DAPK1: variants seen among roughly 807,000 people sequenced by gnomAD.
DAPK1 encodes the protein death associated protein kinase 1.
A neutral mutation model predicts 144.9 loss-of-function variants in DAPK1; 56 were observed. That is an observed-to-expected ratio of 0.39 (90% CI 0.31 to 0.48). The LOEUF (loss-of-function observed/expected upper bound fraction) is 0.48, where lower values mean the gene tolerates loss of function less well. DAPK1 is among the 20% of genes least tolerant of loss of function. The probability of loss-of-function intolerance (pLI) is 0.95; values close to 1 mark genes in which losing one functional copy is unlikely to be tolerated. For synonymous variants in DAPK1, 690 were observed against 749.0 expected (o/e 0.92, Z 1.29); for missense variants, 1,454 against 1,875.4 (o/e 0.78, Z 4.15).
At chr9:87,532,853 A>G (rs573387676) in intron 2 of DAPK1, among the ~76,000 whole-genome samples, 9 of 152,346 alleles carry the variant, frequency 5.9e-5, no homozygotes, top group African/African-American at 1.9e-4. Context: ...GTCTGTAATT[A>G]CTAACATTTT....
chr9:87,528,174 C>A (rs17477827), intron 2 of DAPK1, among the ~76,000 whole-genome samples: 18,511 of 152,000 alleles, frequency 0.12, 1,408 homozygotes, highest in Admixed American at 0.16. Context: ...GATGTCTTAT[C>A]CATTTGGAAG....
intron 24 of DAPK1, among the ~76,000 whole-genome samples, chr9:87,700,603 A>G (rs1277021721): frequency 1.3e-5 from 2 of 152,078 alleles, no homozygotes; most frequent in Non-Finnish European, 2.9e-5. Flanking sequence ...GGCTCAAGCA[A>G]TCTGTCCATC....
At chr9:87,624,196 T>A (rs1383380816) in intron 3 of DAPK1, among the ~76,000 whole-genome samples, 1 of 152,180 alleles carries the variant, frequency 6.6e-6, no homozygotes, top group East Asian at 1.9e-4. Flanking sequence ...GAGGATTCCC[T>A]ACTTAGATGG....
chr9:87,602,930 C>G (rs1351532822), intron 2 of DAPK1, among the ~76,000 whole-genome samples: 1 of 151,548 alleles, frequency 6.6e-6, no homozygotes, highest in Admixed American at 6.6e-5. Flanking sequence ...GTTTCTCTCT[C>G]TCTCTCTCTC....
intron 3 of DAPK1, among the ~76,000 whole-genome samples, chr9:87,612,362 A>C (rs888628321): frequency 5.3e-5 from 8 of 152,212 alleles, no homozygotes; most frequent in African/African-American, 1.9e-4. Context: ...TGGTGTCCTT[A>C]TAAGAAGGCC....
At chr9:87,605,282 T>C in intron 3 of DAPK1, 107 bp downstream of exon 3, 1 of 896,132 alleles carries the variant, frequency 1.1e-6, no homozygotes, top group East Asian at 2.5e-5. Flanking sequence ...GGATCAGGAA[T>C]TGGTTCTGCT....
At chr9:87,654,699 T>C (rs1830573610) in intron 17 of DAPK1, among the ~76,000 whole-genome samples, 1 of 152,160 alleles carries the variant, frequency 6.6e-6, no homozygotes, top group African/African-American at 2.4e-5. Context: ...AAAAGCAGCT[T>C]CAAGGGACAT....
At chr9:87,639,045 T>G (rs1024698921) in intron 4 of DAPK1, among the ~76,000 whole-genome samples, 1 of 152,122 alleles carries the variant, frequency 6.6e-6, no homozygotes, top group African/African-American at 2.4e-5. Flanking sequence ...CCTCTCCCAT[T>G]CCCCCAGTTA....
Position 87,669,526 on chromosome 9 carries a change from A to T in DAPK1, c.2001+852A>T, listed in dbSNP as rs539422554. ...AAAATTTAATTACTGTATTTTTTTT[A>T]AAATGTTATAACAATGGTAATCATT... On this transcript the variant is annotated intron_variant, in intron 19 of 25. Transcript: ENST00000408954. Among the ~76,000 whole-genome samples the T allele has an allele frequency of 3.6e-4, 52 of 146,376 alleles. 1 individual carries two copies. In the South Asian group the frequency reaches 4.4e-3, roughly 12 times the overall value.
intron 2 of DAPK1, among the ~76,000 whole-genome samples, chr9:87,509,395 C>G (rs925231131): frequency 2.3e-4 from 35 of 152,058 alleles, no homozygotes; most frequent in Non-Finnish European, 3.8e-4. Flanking sequence ...GAGTTTTCCT[C>G]TTGTTGCTCA....
intron 17 of DAPK1, among the ~76,000 whole-genome samples, chr9:87,653,155 T>TC (rs1306380600): frequency 8.2e-6 from 1 of 122,470 alleles, no homozygotes; most frequent in African/African-American, 3.0e-5. Flanking sequence ...TCTGTGTCCA[T>TC]CCCCCCGATC....
chr9:87,553,002 G>A (rs747101815), intron 2 of DAPK1, among the ~76,000 whole-genome samples: 2 of 152,016 alleles, frequency 1.3e-5, no homozygotes, highest in Admixed American at 6.6e-5. Flanking sequence ...GAACTTTTTC[G>A]TCATCCCAAG....
chr9:87,521,698 A>G (rs1351650382), intron 2 of DAPK1, among the ~76,000 whole-genome samples: 1 of 152,198 alleles, frequency 6.6e-6, no homozygotes, highest in African/African-American at 2.4e-5. Flanking sequence ...TTTATTCCCC[A>G]TCATTTAGGA....
At chr9:87,674,740 G>A (rs989976530) in intron 19 of DAPK1, among the ~76,000 whole-genome samples, 5 of 152,148 alleles carry the variant, frequency 3.3e-5, no homozygotes, top group Non-Finnish European at 5.9e-5. Context: ...TCGCCTCTCA[G>A]TGCTCTTATC....
intron 17 of DAPK1, among the ~76,000 whole-genome samples, chr9:87,652,360 C>A (rs1366104119): frequency 3.3e-5 from 3 of 90,888 alleles, no homozygotes; most frequent in Admixed American, 1.0e-4. Flanking sequence ...GATTCTGTGT[C>A]CTCCCACCTG....
rs778438856 is a variant in DAPK1 at position 87,639,433 on chromosome 9, T to G, written c.503T>G (p.Ile168Ser). The change falls in exon 5 of 26, where the codon ATT becomes AGT. Residue 168 changes from isoleucine to serine, a missense_variant. Around this residue, in one of 2 missense-constraint regions of DAPK1, gnomAD observed 429 missense variants for 637.5 expected, o/e 0.67. Coordinates refer to ENST00000408954, the MANE Select transcript of DAPK1 (RefSeq NM_004938.4). ...KIIDFGLAHK[I>S]DFGNEFKNIF... ...ATTGACTTTGGGTTGGCCCATAAAA[T>G]TGACTTTGGAAATGAATTTAAAAAC... 2 of 1,613,678 alleles carry G rather than the reference T, an allele frequency of 1.2e-6. No individual in the cohort carries two copies. The highest frequency in any genetic ancestry group is 1.7e-5 in the Admixed American group (1 of 59,938).
intron 18 of DAPK1, among the ~76,000 whole-genome samples, chr9:87,663,726 C>T (rs1352243022): frequency 6.6e-6 from 1 of 152,110 alleles, no homozygotes; most frequent in African/African-American, 2.4e-5. Context: ...CTGCTTGCCC[C>T]TGAGTGCCAG....
At chr9:87,629,317 G>C (rs1829586271) in intron 3 of DAPK1, among the ~76,000 whole-genome samples, 1 of 152,208 alleles carries the variant, frequency 6.6e-6, no homozygotes, top group Non-Finnish European at 1.5e-5. Context: ...GGAGCACAGA[G>C]ATTGCTGGCA....
At chr9:87,619,431 A>G (rs575604757) in intron 3 of DAPK1, among the ~76,000 whole-genome samples, 2 of 152,258 alleles carry the variant, frequency 1.3e-5, no homozygotes, top group South Asian at 2.1e-4. Context: ...TCTGTCAGGG[A>G]GACTGGCTGG....
Sources: gnomAD v4.1 joint callset for allele counts (sites outside exome capture counted in the v4.1 genomes callset) on GRCh38, gnomAD v4.1.1 for gene constraint, gnomAD v4.1.1 regional missense constraint, MANE v1.5 for transcripts, NCBI Gene and HGNC (gene_info 2026-07-23, HGNC 2026-07-21) for gene names.